Variants in HGSNAT observed in about 807,000 individuals in gnomAD.
HGSNAT encodes transmembrane protein 76.
A neutral mutation model predicts 85.2 loss-of-function variants in HGSNAT; 59 were observed. That is an observed-to-expected ratio of 0.69 (90% CI 0.56 to 0.86). The LOEUF is 0.86. Ranked by LOEUF, HGSNAT falls within the 40% of genes least tolerant of loss-of-function variation. The pLI, the probability that HGSNAT is intolerant of heterozygous loss-of-function variation, is 0.00. For synonymous variants in HGSNAT, 321 were observed against 304.5 expected, an observed-to-expected ratio of 1.05 and a Z score of -0.56; for missense variants, 756 against 777.1, an observed-to-expected ratio of 0.97 and a Z score of 0.32.
chr8:43,170,496 CAAAA>C (rs1803587509), intron 6 of HGSNAT, 85 bp from the exon 7 acceptor site: 2 of 1,193,536 alleles, frequency 1.7e-6, no homozygotes, highest in African/African-American at 1.5e-5. Context: ...CAAAACAAAA[CAAAA>C]CAAAACAAAG....
chr8:43,167,251 A>G (rs183471424), intron 5 of HGSNAT, among the ~76,000 whole-genome samples: 1 of 152,366 alleles, frequency 6.6e-6, no homozygotes, highest in East Asian at 1.9e-4. Context: ...ATTGACTCTA[A>G]TTTTGAAAGA....
chr8:43,149,474 G>A (rs1487567081), intron 2 of HGSNAT, among the ~76,000 whole-genome samples: 8 of 152,040 alleles, frequency 5.3e-5, no homozygotes, highest in African/African-American at 9.7e-5. Flanking sequence ...CGAGGCGGGC[G>A]GATCACGAAG....
chr8:43,149,617 G>A (rs1202882885), intron 2 of HGSNAT, among the ~76,000 whole-genome samples: 4 of 151,216 alleles, frequency 2.6e-5, no homozygotes, highest in South Asian at 2.1e-4. Context: ...GGAGAATGGC[G>A]TGAACCCGGG....
chr8:43,193,460 G>A (rs1280110453), intron 13 of HGSNAT, among the ~76,000 whole-genome samples: 1 of 152,202 alleles, frequency 6.6e-6, no homozygotes, highest in Admixed American at 6.5e-5. Context: ...TCAGGAAGGC[G>A]TCATGTCACA....
In HGSNAT at chr8:43,159,560, C is replaced by G. The variant is rs574062388; in HGVS notation, c.493+516C>G. Among the ~76,000 whole-genome samples the G allele has an allele frequency of 2.0e-5, 3 of 152,212 alleles. No homozygotes were observed. In the East Asian group the frequency reaches 5.8e-4, roughly 29 times the overall value. On this transcript the variant is annotated intron_variant, in intron 4 of 17. Coordinates refer to ENST00000379644, the MANE Select transcript of HGSNAT (RefSeq NM_152419.3). ...CCAAGATTGTACCACTGCACTGCAA[C>G]CTGGGTGATAGAGCCAGACCTTGTC...
chr8:43,163,644 G>A (rs963789826), intron 5 of HGSNAT, among the ~76,000 whole-genome samples: 3 of 151,662 alleles, frequency 2.0e-5, no homozygotes, highest in African/African-American at 7.3e-5. Context: ...CTCTGCCTCA[G>A]CCTCCCAAAT....
At chr8:43,179,475 G>A (rs1185202916) in intron 10 of HGSNAT, among the ~76,000 whole-genome samples, 2 of 118,078 alleles carry the variant, frequency 1.7e-5, no homozygotes, top group African/African-American at 7.0e-5. Context: ...CGGACGGGGC[G>A]GCCGGCCGGA....
chr8:43,150,111 C>G (rs966014798), intron 2 of HGSNAT, among the ~76,000 whole-genome samples: 1 of 152,018 alleles, frequency 6.6e-6, no homozygotes, highest in Non-Finnish European at 1.5e-5. Context: ...CGCCCGCCAC[C>G]GCACCCAGTA....
chr8:43,155,836 T>G (rs1451085473), intron 2 of HGSNAT, among the ~76,000 whole-genome samples: 1 of 152,076 alleles, frequency 6.6e-6, no homozygotes, highest in Non-Finnish European at 1.5e-5. Flanking sequence ...CCTCAATGTG[T>G]GTCCTTTTTT....
At chr8:43,152,190 C>T (rs576460650) in intron 2 of HGSNAT, among the ~76,000 whole-genome samples, 1 of 152,170 alleles carries the variant, frequency 6.6e-6, no homozygotes, top group South Asian at 2.1e-4. Context: ...ACTTGGGAGG[C>T]TGAGGCAGGA....
At chr8:43,170,730 T>A (rs761006986) in intron 7 of HGSNAT, 36 bp downstream of exon 7, 11 of 1,331,256 alleles carry the variant, frequency 8.3e-6, no homozygotes, top group Non-Finnish European at 1.2e-5. Context: ...TGGGTGCAGG[T>A]AGTCACAGGA....
intron 14 of HGSNAT, chr8:43,196,599 G>A: frequency 9.2e-7 from 1 of 1,082,788 alleles, no homozygotes; most frequent in South Asian, 1.3e-5. Context: ...CAGCAGTGGA[G>A]ATGTGGTGTG....
At chr8:43,189,490 A>G (rs1332796735) in intron 11 of HGSNAT, among the ~76,000 whole-genome samples, 2 of 152,182 alleles carry the variant, frequency 1.3e-5, no homozygotes, top group Non-Finnish European at 2.9e-5. Flanking sequence ...GGAAAAGTGC[A>G]GTATTAGTGT....
chr8:43,158,497 T>C, intron 2 of HGSNAT, 78 bp from the exon 3 acceptor site: 2 of 1,454,584 alleles, frequency 1.4e-6, no homozygotes, highest in Non-Finnish European at 1.9e-6. Context: ...GGATCTCCAG[T>C]TGGATATTTA....
chr8:43,163,500 T>C (rs1803332789), intron 5 of HGSNAT, among the ~76,000 whole-genome samples: 2 of 151,342 alleles, frequency 1.3e-5, no homozygotes, highest in South Asian at 2.1e-4. Flanking sequence ...TTTTTAGAAA[T>C]CTTAACTTCT....
chr8:43,192,475 A>G, intron 13 of HGSNAT, 45 bp downstream of exon 13: 1 of 1,553,262 alleles, frequency 6.4e-7, no homozygotes, highest in Non-Finnish European at 8.7e-7. Flanking sequence ...TCAGGCTTTC[A>G]GAAGTGAAGG....
intron 13 of HGSNAT, among the ~76,000 whole-genome samples, chr8:43,193,057 G>C (rs377101810): frequency 4.6e-4 from 70 of 152,330 alleles, no homozygotes; most frequent in African/African-American, 1.5e-3. Context: ...TGAGGCAAAG[G>C]TTTGGGCCCT....
Position 43,199,628 on chromosome 8 carries a change from G to A in HGSNAT, c.*59G>A. ...TAGTAGGCCTGCAGGGAGGACTGAAGCAGCCTTTGTTAAAGGGAAGCATTC... is the reference window on the plus strand; with the variant it reads ...TAGTAGGCCTGCAGGGAGGACTGAAACAGCCTTTGTTAAAGGGAAGCATTC... On this transcript the variant is annotated 3_prime_UTR_variant, in exon 18 of 18. Coordinates refer to ENST00000379644, the MANE Select transcript of HGSNAT (RefSeq NM_152419.3). 7.6e-7 allele frequency: 1 copy of A among 1,318,184 alleles called. No homozygotes were observed. The highest frequency in any genetic ancestry group is 1.0e-6 in the Non-Finnish European group (1 of 988,682). 81.7% of individuals were successfully genotyped at this position (1,318,184 alleles called of 1,614,324 possible).
intron 8 of HGSNAT, 109 bp from the exon 9 acceptor site, chr8:43,173,604 C>A: frequency 8.3e-7 from 1 of 1,211,568 alleles, no homozygotes; most frequent in Non-Finnish European, 1.2e-6. Flanking sequence ...AGTCACTGCG[C>A]CTCCCCTGGG....
Sources: gnomAD v4.1 joint callset for allele counts (sites outside exome capture counted in the v4.1 genomes callset) on GRCh38, gnomAD v4.1.1 for gene constraint, MANE v1.5 for transcripts, NCBI Gene and HGNC (gene_info 2026-07-23, HGNC 2026-07-21) for gene names.